Variants in ZNF562 observed in about 807,000 individuals in gnomAD.
The protein encoded by ZNF562 is zinc finger protein 562.
Under a neutral mutation model 17.5 loss-of-function variants are expected in ZNF562, and 13 were observed. The ratio of observed to expected loss-of-function variants is 0.74; its 90% CI spans 0.48 to 1.18. ZNF562 has a LOEUF of 1.18. Among genes scored for constraint, ZNF562 ranks in the 50% most tolerant of loss-of-function variants. The probability of loss-of-function intolerance (pLI) is 0.00; values close to 1 mark genes in which losing one functional copy is unlikely to be tolerated. For synonymous variants in ZNF562, 163 were observed against 165.4 expected (o/e 0.99, Z 0.11); for missense variants, 481 against 498.5 (o/e 0.96, Z 0.33).
rs2074857607 is a variant in ZNF562 at position 9,650,906 on chromosome 19, A to G, written c.*2043T>C. ...GAGGTGGAGGTTGCGGTGAGCCAAG[A>G]TCATACCATTGCACTCCAGCCTGGG... On this transcript the variant is annotated 3_prime_UTR_variant, in exon 6 of 6. Coordinates refer to ENST00000453372, the MANE Select transcript of ZNF562 (RefSeq NM_001130031.2). The G allele has an allele frequency of 6.9e-6, 1 of 145,698 alleles. No individual in the cohort carries two copies. Among genetic ancestry groups the G allele is most frequent in the Admixed American group, 7.1e-5 (1 of 14,058 alleles). The allele number at this position is 145,698 out of a possible 1,614,324, so 9.0% of individuals were successfully genotyped here.
At position 9,641,908 on chromosome 19, in the gene ZNF562, G is replaced by A. The variant is rs1168310571; in HGVS notation, c.*11041C>T. 6.6e-6 allele frequency: 1 copy of A among 152,166 alleles called. No individual in the cohort carries two copies. The highest frequency in any genetic ancestry group is 1.5e-5 in the Non-Finnish European group (1 of 68,042). 9.4% of individuals were successfully genotyped at this position (152,166 alleles called of 1,614,324 possible). On this transcript the variant is annotated 3_prime_UTR_variant, in exon 6 of 6. Transcript: ENST00000453372. ...GATTATCATTAGTTCTCATAGGTTTGGGATAAGCGGTGGAGTTAGGAGCAA... is the reference window on the plus strand; with the variant it reads ...GATTATCATTAGTTCTCATAGGTTTAGGATAAGCGGTGGAGTTAGGAGCAA...
intron 1 of ZNF562, among the ~76,000 whole-genome samples, chr19:9,668,875 C>A (rs2044045947): frequency 6.6e-6 from 1 of 151,972 alleles, no homozygotes; most frequent in Non-Finnish European, 1.5e-5. Flanking sequence ...GGGAAAATAA[C>A]AGTCTTTTCA....
Position 9,647,189 on chromosome 19 carries a change from C to A in ZNF562, c.*5760G>T, listed in dbSNP as rs1308045382. ...CTCCACTTCAGGGGTTCAAGAGATT[C>A]TCCTGCCTCAGCCTCCTGAGTAGCT... On this transcript the variant is annotated 3_prime_UTR_variant, in exon 6 of 6. Transcript: ENST00000453372. 3 of 150,862 alleles carry A rather than the reference C, an allele frequency of 2.0e-5. No individual in the cohort carries two copies. The highest frequency in any genetic ancestry group is 2.1e-4 in the South Asian group (1 of 4,754). The allele number at this position is 150,862 out of a possible 1,614,324, so 9.3% of individuals were successfully genotyped here.
intron 5 of ZNF562, among the ~76,000 whole-genome samples, chr19:9,655,874 G>A (rs1403865048): frequency 3.3e-5 from 5 of 149,754 alleles, no homozygotes; most frequent in Admixed American, 6.7e-5. Context: ...CTAGGATAAC[G>A]GGTGCCCACC....
In ZNF562 at chr19:9,649,109, A is replaced by G. The variant is rs2074833752; in HGVS notation, c.*3840T>C. On this transcript the variant is annotated 3_prime_UTR_variant, in exon 6 of 6. Coordinates refer to ENST00000453372, the MANE Select transcript of ZNF562 (RefSeq NM_001130031.2). Reference sequence around the variant, plus strand: ...ATTAGTTCCCCAAATTAATACTTTTATAATTTCTTATGCCTGTCTTTACTG... The same window carrying G: ...ATTAGTTCCCCAAATTAATACTTTTGTAATTTCTTATGCCTGTCTTTACTG... 1 of 152,200 alleles carries G rather than the reference A, an allele frequency of 6.6e-6. No homozygotes were observed. Among genetic ancestry groups the G allele is most frequent in the South Asian group, 2.1e-4 (1 of 4,828 alleles). The allele number at this position is 152,200 out of a possible 1,614,324, so 9.4% of individuals were successfully genotyped here. A position where few individuals can be genotyped will look rare whatever the true frequency, so the allele number is the denominator to read the frequency against.
In ZNF562 at chr19:9,649,132, C is replaced by T. The variant is rs1568252759; in HGVS notation, c.*3817G>A. The T allele has an allele frequency of 6.6e-6, 1 of 152,186 alleles. No individual in the cohort carries two copies. Among genetic ancestry groups the T allele is most frequent in the Non-Finnish European group, 1.5e-5 (1 of 68,020 alleles). 9.4% of individuals were successfully genotyped at this position (152,186 alleles called of 1,614,324 possible). On this transcript the variant is annotated 3_prime_UTR_variant, in exon 6 of 6. Coordinates refer to ENST00000453372, the MANE Select transcript of ZNF562 (RefSeq NM_001130031.2). Reference sequence around the variant, plus strand: ...TTATAATTTCTTATGCCTGTCTTTACTGCAATCTCTAAACATAAATTGTAA... The same window carrying T: ...TTATAATTTCTTATGCCTGTCTTTATTGCAATCTCTAAACATAAATTGTAA...
chr19:9,658,090 C>A lies in ZNF562; in HGVS notation c.160G>T (p.Glu54Ter). 1 of 1,614,044 alleles carries A rather than the reference C, an allele frequency of 6.2e-7. No homozygotes were observed. Among genetic ancestry groups the A allele is most frequent in the Non-Finnish European group, 8.5e-7 (1 of 1,179,952 alleles). ...TGAGTTGTGTCCAGTAAAGCCCACT[C>A]CTCTGGGGTGAACTCCACAGCCACA... ...DDVAVEFTPE[E>*]WALLDTTQKY... The change falls in exon 4 of 6, where the codon GAG (glutamate) becomes TAG (stop). Residue 54 changes from glutamate to a stop codon, truncating the protein, a stop_gained. Transcript: ENST00000453372. LOFTEE classifies it high-confidence loss of function.
In ZNF562 at chr19:9,642,375, T is replaced by C. The variant is rs1345232454; in HGVS notation, c.*10574A>G. ...ATGGCTCACTGCAGCCTTTACTTCC[T>C]GGGCTCAAGCAGTCCTTTGCCTGAG... On this transcript the variant is annotated 3_prime_UTR_variant, in exon 6 of 6. Coordinates refer to ENST00000453372, the MANE Select transcript of ZNF562 (RefSeq NM_001130031.2). 1 of 151,712 alleles carries C rather than the reference T, an allele frequency of 6.6e-6. No homozygotes were observed. Among genetic ancestry groups the C allele is most frequent in the African/African-American group, 2.4e-5 (1 of 41,252 alleles). The allele number at this position is 151,712 out of a possible 1,614,324, so 9.4% of individuals were successfully genotyped here.
intron 5 of ZNF562, among the ~76,000 whole-genome samples, chr19:9,654,742 C>T (rs372094613): frequency 6.6e-5 from 10 of 152,158 alleles, no homozygotes; most frequent in East Asian, 1.9e-4. Context: ...GCACTGCGCC[C>T]GGCCTCAATT....
chr19:9,653,185 A>G lies in ZNF562; in HGVS notation c.1045T>C (p.Cys349Arg). The G allele has an allele frequency of 6.2e-7, 1 of 1,614,124 alleles. No individual in the cohort carries two copies. Among genetic ancestry groups the G allele is most frequent in the Non-Finnish European group, 8.5e-7 (1 of 1,179,988 alleles). ...TGIKPYECKE[C>R]GQAFTQYTGL... ...GTGTACTGAGTGAAGGCTTGGCCAC[A>G]TTCCTTACATTCATAGGGTTTTATT... The change falls in exon 6 of 6, where the codon TGT becomes CGT. Residue 349 changes from cysteine to arginine, a missense_variant. Physicochemically the swap from Cys to Arg is radical, Grantham distance 180. This residue lies in a region of ZNF562 where 78 missense variants were observed against 112.0 expected (regional missense o/e 0.70). Coordinates refer to ENST00000453372, the MANE Select transcript of ZNF562 (RefSeq NM_001130031.2).
chr19:9,643,154 G>C lies in ZNF562; in HGVS notation c.*9795C>G, dbSNP rs1314784884. 1 of 151,648 alleles carries C rather than the reference G, an allele frequency of 6.6e-6. No homozygotes were observed. The highest frequency in any genetic ancestry group is 1.5e-5 in the Non-Finnish European group (1 of 68,044). 9.4% of individuals were successfully genotyped at this position (151,648 alleles called of 1,614,324 possible). On this transcript the variant is annotated 3_prime_UTR_variant, in exon 6 of 6. Transcript: ENST00000453372. The stretch of plus-strand genomic sequence containing the variant: ...AATCAGGGGGGTCTCAGGAGTTCAA[G>C]ACCATCCTGGCCAACATGGCAAAAC...
intron 1 of ZNF562, among the ~76,000 whole-genome samples, chr19:9,672,354 G>A (rs1461604101): frequency 2.0e-5 from 3 of 152,214 alleles, no homozygotes; most frequent in Non-Finnish European, 4.4e-5. Flanking sequence ...TTTTTAGGAG[G>A]TGCATTACAA....
In ZNF562 at chr19:9,645,876, A is replaced by G. The variant is rs562570302; in HGVS notation, c.*7073T>C. ...ATTTATGGTAACAACGAAAAGTAAC[A>G]TACAAATTTCAAACATCAAGAATAA... is the stretch of plus-strand genomic sequence containing the variant. On this transcript the variant is annotated 3_prime_UTR_variant, in exon 6 of 6. Transcript: ENST00000453372. The G allele has an allele frequency of 6.6e-6, 1 of 152,350 alleles. No homozygotes were observed. The highest frequency in any genetic ancestry group is 2.4e-5 in the African/African-American group (1 of 41,588). The allele number at this position is 152,350 out of a possible 1,614,324, so 9.4% of individuals were successfully genotyped here. A position where few individuals can be genotyped will look rare whatever the true frequency, so the allele number is the denominator to read the frequency against.
rs1005186843 is a variant in ZNF562, at chr19:9,646,513, C to T, written c.*6436G>A. On this transcript the variant is annotated 3_prime_UTR_variant, in exon 6 of 6. Transcript: ENST00000453372. ...CTAACAGAATTAGTGGAACAGAAAACATGCAAGAAATAGTGTAGATTTTTC... is the reference window on the plus strand; with the variant it reads ...CTAACAGAATTAGTGGAACAGAAAATATGCAAGAAATAGTGTAGATTTTTC... 1 of 151,950 alleles carries T rather than the reference C, an allele frequency of 6.6e-6. No homozygotes were observed. Among genetic ancestry groups the T allele is most frequent in the African/African-American group, 2.4e-5 (1 of 41,368 alleles). The allele number at this position is 151,950 out of a possible 1,614,324, so 9.4% of individuals were successfully genotyped here.
rs3207333 is a variant in ZNF562 at position 9,658,147 on chromosome 19, A to T, written c.115-12T>A. On this transcript the variant is annotated splice_polypyrimidine_tract_variant and intron_variant, in intron 3 of 5. Coordinates refer to ENST00000453372, the MANE Select transcript of ZNF562 (RefSeq NM_001130031.2). Reference sequence around the variant, plus strand: ...AACGTCACTGAATCCTAAGTCATCAAACACATGCTGGTTTGAGCCAATGAA... The same window carrying T: ...AACGTCACTGAATCCTAAGTCATCATACACATGCTGGTTTGAGCCAATGAA... 27 of 1,610,566 alleles carry T rather than the reference A, an allele frequency of 1.7e-5. No individual in the cohort carries two copies. Among genetic ancestry groups the T allele is most frequent in the Non-Finnish European group, 2.3e-5 (27 of 1,178,320 alleles).
chr19:9,656,484 G>A, intron 5 of ZNF562, 63 bp downstream of exon 5: 2 of 1,573,232 alleles, frequency 1.3e-6, no homozygotes, highest in Non-Finnish European at 8.7e-7. Context: ...ACTTCAGCCT[G>A]GCAGAGCAAG....
intron 1 of ZNF562, among the ~76,000 whole-genome samples, chr19:9,666,625 TAAAC>T (rs1487180899): frequency 5.9e-5 from 9 of 151,290 alleles, no homozygotes; most frequent in African/African-American, 1.7e-4. Context: ...CTTGAAAAGA[TAAAC>T]AAAATTAACC....
At chr19:9,655,713 C>CTTTTT (rs2043444189) in intron 5 of ZNF562, among the ~76,000 whole-genome samples, 2 of 54,552 alleles carry the variant, frequency 3.7e-5, no homozygotes, top group African/African-American at 6.8e-5. Context: ...ACTTTCTTTT[C>CTTTTT]TTTCTTTTTT....
intron 1 of ZNF562, 134 bp from the exon 2 acceptor site, chr19:9,661,008 T>C (rs901351220): frequency 2.5e-5 from 9 of 359,362 alleles, no homozygotes; most frequent in Middle Eastern, 7.6e-4. Context: ...TCAGTAATGA[T>C]AGTATTAATA....
Sources: gnomAD v4.1 joint callset for allele counts (sites outside exome capture counted in the v4.1 genomes callset) on GRCh38, gnomAD v4.1.1 for gene constraint, gnomAD v4.1.1 regional missense constraint, MANE v1.5 for transcripts, NCBI Gene and HGNC (gene_info 2026-07-23, HGNC 2026-07-21) for gene names.